PCDHGA5: variants seen among roughly 807,000 people sequenced by gnomAD.
The protein encoded by PCDHGA5 is protocadherin gamma-A5.
PCDHGA5 carries 36 observed loss-of-function variants against 56.7 expected under a neutral mutation model. The ratio of observed to expected loss-of-function variants is 0.64; its 90% confidence interval spans 0.49 to 0.84. The LOEUF is 0.84. PCDHGA5 is among the 40% of genes least tolerant of loss of function. The pLI, the probability that PCDHGA5 is intolerant of heterozygous loss-of-function variation, is 0.00. For missense variants in PCDHGA5, 1,305 were observed against 1,201.5 expected, an observed-to-expected ratio of 1.09 and a Z score of -1.27; for synonymous variants, 563 against 520.2, an observed-to-expected ratio of 1.08 and a Z score of -1.12.
intron 1 of PCDHGA5, chr5:141,413,935 A>G: frequency 1.2e-6 from 2 of 1,613,372 alleles, no homozygotes; most frequent in Non-Finnish European, 1.7e-6. Flanking sequence ...ATACCGAGTG[A>G]GTGTTCCTGA....
intron 1 of PCDHGA5, chr5:141,420,202 C>T (rs2096476837): frequency 6.2e-7 from 1 of 1,613,136 alleles, no homozygotes. Flanking sequence ...AAGATAACCT[C>T]AACAAAGATA....
rs140199351 is a variant in PCDHGA5, at chr5:141,465,921, G to C, written c.2422-28886G>C. Among the ~76,000 whole-genome samples, 1,515 of 152,146 alleles carry C rather than the reference G, an allele frequency of 1.0e-2. 24 individuals carry two copies. The highest frequency in any genetic ancestry group is 0.034 in the African/African-American group (1,400 of 41,520). On this transcript the variant is annotated intron_variant, in intron 1 of 3. Transcript: ENST00000518069. ...GCAAATCACGAGGTCAGGATTTCGA[G>C]TCCATCCTGGCTAACATGGTGAAAC...
rs772328241 is a variant in PCDHGA5 at position 141,491,340 on chromosome 5, C to A, written c.2422-3467C>A. On this transcript the variant is annotated intron_variant, in intron 1 of 3. Coordinates refer to ENST00000518069, the MANE Select transcript of PCDHGA5 (RefSeq NM_018918.3). The surrounding 1 kb of genome is among the most constrained non-coding windows in gnomAD (Gnocchi z 6.9). ...TTTACCTCATTGTGGCTCTAGCGACCGTCAGTCTCTTATCCCTAGTCACCT... is the reference window on the plus strand; with the variant it reads ...TTTACCTCATTGTGGCTCTAGCGACAGTCAGTCTCTTATCCCTAGTCACCT... 4.3e-6 allele frequency: 7 copies of A among 1,614,146 alleles called. No homozygotes were observed. Among genetic ancestry groups the A allele is most frequent in the Non-Finnish European group, 5.9e-6 (7 of 1,180,014 alleles).
At chr5:141,374,221 C>T (rs1290951545) in intron 1 of PCDHGA5, 12 of 1,613,878 alleles carry the variant, frequency 7.4e-6, no homozygotes, top group African/African-American at 6.7e-5. Flanking sequence ...CCTTCGTAGG[C>T]AACATCGTCA....
Position 141,432,442 on chromosome 5 carries a change from G to A in PCDHGA5, c.2422-62365G>A. 1 of 1,614,228 alleles carries A rather than the reference G, an allele frequency of 6.2e-7. No individual in the cohort carries two copies. Among genetic ancestry groups the A allele is most frequent in the Non-Finnish European group, 8.5e-7 (1 of 1,180,042 alleles). On this transcript the variant is annotated intron_variant, in intron 1 of 3. Transcript: ENST00000518069. The surrounding 1 kb of genome is among the most constrained non-coding windows in gnomAD (Gnocchi z 6.0). ...TGGACCAGAACGACAATGCGCCCGA[G>A]ATCCTGTACCCCGCCCTCCCCACGG...
At chr5:141,376,041 C>G (rs781158382) in intron 1 of PCDHGA5, 1 of 1,613,218 alleles carries the variant, frequency 6.2e-7, no homozygotes, top group Non-Finnish European at 8.5e-7. Flanking sequence ...GGCCAGCCCC[C>G]TCTCTCCGCC....
intron 1 of PCDHGA5, among the ~76,000 whole-genome samples, chr5:141,406,833 A>G (rs776807611): frequency 3.9e-5 from 6 of 152,238 alleles, no homozygotes; most frequent in Non-Finnish European, 4.4e-5. Flanking sequence ...ATGAACTTGC[A>G]TATCAGATAT....
chr5:141,491,312 C>T lies in PCDHGA5; in HGVS notation c.2422-3495C>T, dbSNP rs749198887. The stretch of plus-strand genomic sequence containing the variant: ...CACCCTCCTGAGCGTTCAGACCTTA[C>T]CCTTTACCTCATTGTGGCTCTAGCG... On this transcript the variant is annotated intron_variant, in intron 1 of 3. Transcript: ENST00000518069. The surrounding 1 kb of genome is among the most constrained non-coding windows in gnomAD (Gnocchi z 6.9). 3 of 1,614,170 alleles carry T rather than the reference C, an allele frequency of 1.9e-6. No individual in the cohort carries two copies. Among genetic ancestry groups the T allele is most frequent in the East Asian group, 4.5e-5 (2 of 44,878 alleles).
At position 141,431,413 on chromosome 5, in the gene PCDHGA5, C is replaced by A; in HGVS notation, c.2422-63394C>A. ...TGGTCCTTACGGCCTCCGACGGGGG[C>A]GACCCGGTGCGCACAGGCACCGCGC... On this transcript the variant is annotated intron_variant, in intron 1 of 3. Transcript: ENST00000518069. This position sits in a 1 kb window ranked among gnomAD's most constrained non-coding sequence, Gnocchi z 4.8. The A allele has an allele frequency of 6.2e-7, 1 of 1,613,682 alleles. No homozygotes were observed. Among genetic ancestry groups the A allele is most frequent in the Non-Finnish European group, 8.5e-7 (1 of 1,180,044 alleles).
In PCDHGA5 at chr5:141,384,758, G is replaced by A. The variant is rs369146747; in HGVS notation, c.2421+18007G>A. ...AGCGAGCCAGGACTCTTTGCGGTTG[G>A]GCTGTACACGGGCGAGGTGCGCACG... is the stretch of plus-strand genomic sequence containing the variant. On this transcript the variant is annotated intron_variant, in intron 1 of 3. Coordinates refer to ENST00000518069, the MANE Select transcript of PCDHGA5 (RefSeq NM_018918.3). 57 of 1,613,872 alleles carry A rather than the reference G, an allele frequency of 3.5e-5. No individual in the cohort carries two copies. The highest frequency in any genetic ancestry group is 4.1e-5 in the Non-Finnish European group (48 of 1,180,038).
intron 1 of PCDHGA5, among the ~76,000 whole-genome samples, chr5:141,448,813 C>T (rs1020956433): frequency 2.0e-5 from 3 of 151,800 alleles, no homozygotes; most frequent in Admixed American, 1.3e-4. Context: ...GGCGTGATGG[C>T]GGGCGCCTGT....
intron 1 of PCDHGA5, among the ~76,000 whole-genome samples, chr5:141,425,820 C>T (rs978139996): frequency 6.6e-6 from 1 of 152,156 alleles, no homozygotes; most frequent in Admixed American, 6.5e-5. Flanking sequence ...TAGAAAAAAA[C>T]AAACTTTTAA....
intron 1 of PCDHGA5, among the ~76,000 whole-genome samples, chr5:141,457,975 C>T (rs2098934043): frequency 6.6e-6 from 1 of 152,202 alleles, no homozygotes; most frequent in South Asian, 2.1e-4. Context: ...AAGGGAAACA[C>T]ACCCTTTCAG....
chr5:141,405,459 A>G (rs553327050), intron 1 of PCDHGA5: 1 of 1,229,452 alleles, frequency 8.1e-7, no homozygotes, highest in African/African-American at 1.5e-5. Context: ...TTACTCTGTT[A>G]CCCAGGCTGG....
At chr5:141,495,719 C>T (rs929450759) in intron 2 of PCDHGA5, among the ~76,000 whole-genome samples, 12 of 152,150 alleles carry the variant, frequency 7.9e-5, no homozygotes, top group African/African-American at 2.4e-5. Context: ...AGTAACTACA[C>T]GGGACCCTTA....
intron 1 of PCDHGA5, chr5:141,370,622 C>A (rs756641778): frequency 1.9e-6 from 3 of 1,613,902 alleles, no homozygotes; most frequent in Non-Finnish European, 2.5e-6. Flanking sequence ...AATTCTTTAC[C>A]GTGAGCCCCG....
intron 1 of PCDHGA5, chr5:141,420,440 C>G (rs1298244162): frequency 9.3e-7 from 1 of 1,076,214 alleles, no homozygotes; most frequent in Non-Finnish European, 1.2e-6. Context: ...AATTAAATGC[C>G]TCAGTCTTCC....
chr5:141,432,874 G>A lies in PCDHGA5; in HGVS notation c.2422-61933G>A, dbSNP rs2097545539. 2 of 1,614,176 alleles carry A rather than the reference G, an allele frequency of 1.2e-6. No homozygotes were observed. The highest frequency in any genetic ancestry group is 1.7e-6 in the Non-Finnish European group (2 of 1,180,014). Reference sequence around the variant, plus strand: ...TGGCCGCGGTCTCCTGCGTCTTCCTGGCCTTCGTCATCTTGCTGCTGGCGC... The same window carrying A: ...TGGCCGCGGTCTCCTGCGTCTTCCTAGCCTTCGTCATCTTGCTGCTGGCGC... On this transcript the variant is annotated intron_variant, in intron 1 of 3. Transcript: ENST00000518069. This position sits in a 1 kb window ranked among gnomAD's most constrained non-coding sequence, Gnocchi z 6.0.
rs1561561698 is a variant in PCDHGA5 at position 141,374,186 on chromosome 5, A to G, written c.2421+7435A>G. 5 of 1,613,668 alleles carry G rather than the reference A, an allele frequency of 3.1e-6. No individual in the cohort carries two copies. The highest frequency in any genetic ancestry group is 3.3e-5 in the Admixed American group (2 of 60,008). On this transcript the variant is annotated intron_variant, in intron 1 of 3. Transcript: ENST00000518069. ...CGCGGCAGCGCAGATCCGCTACTCT[A>G]TTCCCGAGGAGCTGGAGAAAGGCTC... is the stretch of plus-strand genomic sequence containing the variant.
Sources: gnomAD v4.1 joint callset for allele counts (sites outside exome capture counted in the v4.1 genomes callset) on GRCh38, gnomAD v4.1.1 for gene constraint, Gnocchi (gnomAD v3.1) non-coding constraint, MANE v1.5 for transcripts, NCBI Gene and HGNC (gene_info 2026-07-23, HGNC 2026-07-21) for gene names.